The following VWC2L variants were observed in gnomAD, a reference collection of about 807,000 sequenced individuals.
The protein encoded by VWC2L is von Willebrand factor C domain containing 2 like.
A neutral mutation model predicts 21.6 loss-of-function variants in VWC2L; 10 were observed. That is an observed-to-expected ratio of 0.46 (90% confidence interval 0.29 to 0.78). VWC2L has a LOEUF of 0.78. Among genes scored for constraint, VWC2L ranks in the 30% least tolerant of loss-of-function variants. VWC2L has a pLI of 0.10. For missense variants in VWC2L, 209 were observed against 277.1 expected (o/e 0.75, Z 1.74); for synonymous variants, 96 against 94.3 (o/e 1.02, Z -0.10).
intron 3 of VWC2L, among the ~76,000 whole-genome samples, chr2:214,504,865 A>T (rs1327726304): frequency 1.3e-5 from 2 of 152,218 alleles, no homozygotes; most frequent in African/African-American, 4.8e-5. Flanking sequence ...ATGTTCCAGG[A>T]TGAAAGAGGA....
chr2:214,502,325 A>G (rs985317228), intron 3 of VWC2L, among the ~76,000 whole-genome samples: 2 of 152,176 alleles, frequency 1.3e-5, no homozygotes, highest in Non-Finnish European at 2.9e-5. Flanking sequence ...TAATCCCAGC[A>G]CTTCGGGAGG....
At chr2:214,539,893 A>G (rs1407986462) in intron 3 of VWC2L, among the ~76,000 whole-genome samples, 4 of 152,150 alleles carry the variant, frequency 2.6e-5, no homozygotes, top group African/African-American at 9.7e-5. Flanking sequence ...AATCTTGAAT[A>G]TATTTTTAAT....
intron 3 of VWC2L, among the ~76,000 whole-genome samples, chr2:214,446,611 A>AATTTTG (rs1702841339): frequency 6.6e-6 from 1 of 152,206 alleles, no homozygotes; most frequent in Non-Finnish European, 1.5e-5. Context: ...AGGAAGGCTA[A>AATTTTG]CGTGCAAAAT....
At chr2:214,539,587 A>G (rs777847566) in intron 3 of VWC2L, among the ~76,000 whole-genome samples, 2 of 152,184 alleles carry the variant, frequency 1.3e-5, no homozygotes, top group African/African-American at 4.8e-5. Flanking sequence ...TTGAAAAACA[A>G]CGTTAACCTG....
chr2:214,424,258 G>T (rs1332082374), intron 2 of VWC2L, among the ~76,000 whole-genome samples: 3 of 152,008 alleles, frequency 2.0e-5, no homozygotes, highest in African/African-American at 7.2e-5. Flanking sequence ...TGTTCATAAG[G>T]GTTTCAGTTA....
At chr2:214,545,018 C>A (rs544781557) in intron 3 of VWC2L, among the ~76,000 whole-genome samples, 5 of 152,248 alleles carry the variant, frequency 3.3e-5, no homozygotes, top group African/African-American at 1.2e-4. Flanking sequence ...ACTACAAAGT[C>A]TTTTAGGTTA....
intron 3 of VWC2L, among the ~76,000 whole-genome samples, chr2:214,468,263 C>T (rs1056286947): frequency 2.6e-5 from 4 of 152,244 alleles, no homozygotes; most frequent in South Asian, 4.1e-4. Context: ...GGGATCTGCC[C>T]GCCTTGGCCT....
chr2:214,432,028 TCA>T (rs369102955), intron 2 of VWC2L, among the ~76,000 whole-genome samples: 14 of 152,318 alleles, frequency 9.2e-5, no homozygotes, highest in African/African-American at 3.4e-4. Context: ...ATTTCACGAC[TCA>T]CAGTCGGAAA....
chr2:214,467,090 T>C (rs1171922716), intron 3 of VWC2L, among the ~76,000 whole-genome samples: 1 of 152,204 alleles, frequency 6.6e-6, no homozygotes, highest in African/African-American at 2.4e-5. Flanking sequence ...GCTTTTAAGA[T>C]TTGTTCAGCA....
chr2:214,463,904 T>A (rs1703179307), intron 3 of VWC2L, among the ~76,000 whole-genome samples: 1 of 152,104 alleles, frequency 6.6e-6, no homozygotes, highest in South Asian at 2.1e-4. Context: ...GCTCACTACT[T>A]CTTCTGCTTG....
chr2:214,428,085 A>C (rs1702551738), intron 2 of VWC2L, among the ~76,000 whole-genome samples: 1 of 152,202 alleles, frequency 6.6e-6, no homozygotes, highest in Admixed American at 6.5e-5. Flanking sequence ...CCCTTGAGGA[A>C]TACACAGCCA....
intron 3 of VWC2L, among the ~76,000 whole-genome samples, chr2:214,547,105 A>C (rs1490634635): frequency 6.6e-6 from 1 of 152,214 alleles, no homozygotes; most frequent in Non-Finnish European, 1.5e-5. Flanking sequence ...CGGCATTTTT[A>C]AAATCAGGAT....
intron 3 of VWC2L, among the ~76,000 whole-genome samples, chr2:214,530,605 A>T (rs965686649): frequency 1.3e-5 from 2 of 152,112 alleles, no homozygotes; most frequent in Admixed American, 1.3e-4. Context: ...GCACTAGAAG[A>T]GGAAGGAGAT....
At chr2:214,539,729 A>G (rs781073803) in intron 3 of VWC2L, among the ~76,000 whole-genome samples, 25 of 152,190 alleles carry the variant, frequency 1.6e-4, no homozygotes, top group Admixed American at 7.2e-4. Flanking sequence ...TTCAACAAAG[A>G]CACGAACTTT....
At chr2:214,501,190 C>T (rs751739159) in intron 3 of VWC2L, among the ~76,000 whole-genome samples, 4 of 152,106 alleles carry the variant, frequency 2.6e-5, no homozygotes, top group Non-Finnish European at 4.4e-5. Context: ...CACTCCCAAG[C>T]GGCAAACATA....
intron 2 of VWC2L, among the ~76,000 whole-genome samples, chr2:214,421,446 C>T (rs13403808): frequency 0.23 from 34,880 of 152,002 alleles, 4,827 homozygotes; most frequent in African/African-American, 0.39. Flanking sequence ...TTTTCATACT[C>T]ACTTACCAAT....
At chr2:214,453,807 T>C (rs2126185772) in intron 3 of VWC2L, among the ~76,000 whole-genome samples, 1 of 150,414 alleles carries the variant, frequency 6.6e-6, no homozygotes, top group South Asian at 2.1e-4. Context: ...TACAACCTCC[T>C]CCTCCCAGGT....
Position 214,538,154 on chromosome 2 carries a change from G to A in VWC2L, c.521-37518G>A, listed in dbSNP as rs147252583. 6.1e-4 allele frequency among the ~76,000 whole-genome samples: 93 copies of A among 152,170 alleles called. 1 individual carries two copies. In the East Asian group the frequency reaches 0.016, roughly 27 times the overall value. ...TCCTAGTGTCGGCATGACTGTGACA[G>A]ACAAAATAAGAGACTGAGAGACAGA... On this transcript the variant is annotated intron_variant, in intron 3 of 3. Transcript: ENST00000312504.
intron 3 of VWC2L, among the ~76,000 whole-genome samples, chr2:214,519,742 C>T (rs13013351): frequency 0.35 from 53,921 of 151,958 alleles, 11,135 homozygotes; most frequent in South Asian, 0.48. Flanking sequence ...ATTTTCTCCC[C>T]ATAGCTTGCT....
Sources: allele counts gnomAD v4.1 joint callset (sites outside exome capture counted in the v4.1 genomes callset), GRCh38; gene constraint gnomAD v4.1.1; transcripts MANE v1.5; gene names NCBI Gene and HGNC (gene_info 2026-07-23, HGNC 2026-07-21).